Variants in RFX7 observed in about 807,000 individuals in gnomAD.
RFX7 encodes the protein DNA-binding protein RFX7.
Under a neutral mutation model 111.8 loss-of-function variants are expected in RFX7, and 26 were observed. That is an observed-to-expected ratio of 0.23 (90% CI 0.17 to 0.32). The LOEUF is 0.32. Among genes scored for constraint, RFX7 ranks in the 10% least tolerant of loss-of-function variants. The pLI, the probability that RFX7 is intolerant of heterozygous loss-of-function variation, is 1.00. For missense variants in RFX7, 1,573 were observed against 1,772.9 expected, an observed-to-expected ratio of 0.89 and a Z score of 2.02; for synonymous variants, 624 against 624.4, an observed-to-expected ratio of 1.00 and a Z score of 0.01.
rs1187373066 is a variant in RFX7, at chr15:56,094,030, T to C, written c.3698A>G (p.Gln1233Arg). The change falls in exon 10 of 10, where the codon CAG becomes CGG. Residue 1233 changes from glutamine (Q) to arginine (R), a missense_variant. Gln to Arg is a conservative substitution (Grantham distance 43, BLOSUM62 1). Around this residue, in one of 7 missense-constraint regions of RFX7, gnomAD observed 411 missense variants for 478.1 expected, o/e 0.86. Transcript: ENST00000559447. ...SQSVPLTVMM[Q>R]TAFPNALQKQ... is the part of the protein sequence containing the mutation. The stretch of plus-strand genomic sequence containing the variant: ...CTGAAGAGCGTTTGGGAAGGCTGTC[T>C]GCATCATGACTGTCAATGGAACTGA... 2 of 1,614,008 alleles carry C rather than the reference T, an allele frequency of 1.2e-6. No homozygotes were observed. Among genetic ancestry groups the C allele is most frequent in the Non-Finnish European group, 1.7e-6 (2 of 1,179,874 alleles).
chr15:56,187,496 A>G (rs1450476444), intron 2 of RFX7, among the ~76,000 whole-genome samples: 4 of 152,098 alleles, frequency 2.6e-5, no homozygotes, highest in Non-Finnish European at 5.9e-5. Context: ...AATTTTTATA[A>G]GGCTTTTGCC....
intron 2 of RFX7, among the ~76,000 whole-genome samples, chr15:56,232,421 A>C (rs1202709586): frequency 3.3e-5 from 5 of 152,100 alleles, no homozygotes; most frequent in Non-Finnish European, 7.4e-5. Context: ...CTGGCCCATG[A>C]AATCATTTTT....
intron 2 of RFX7, among the ~76,000 whole-genome samples, chr15:56,212,428 G>T (rs1033806257): frequency 1.3e-5 from 2 of 152,076 alleles, no homozygotes; most frequent in African/African-American, 4.8e-5. Flanking sequence ...TTTAATGGTG[G>T]ATACATGTCA....
At chr15:56,127,821 C>T (rs1595947051) in intron 5 of RFX7, among the ~76,000 whole-genome samples, 1 of 151,618 alleles carries the variant, frequency 6.6e-6, no homozygotes. Context: ...GCTGGGATTA[C>T]AGGCGTGAGC....
intron 3 of RFX7, among the ~76,000 whole-genome samples, chr15:56,154,913 G>A (rs2042630065): frequency 6.6e-6 from 1 of 151,794 alleles, no homozygotes. Flanking sequence ...CAGAAACAAA[G>A]AACTTAAACA....
chr15:56,131,281 T>G (rs1051484733), intron 5 of RFX7, among the ~76,000 whole-genome samples: 1 of 109,014 alleles, frequency 9.2e-6, no homozygotes, highest in Admixed American at 9.3e-5. Context: ...CTTTTTTTTT[T>G]TTTTTTTTTT....
chr15:56,239,537 G>A (rs1469158263), intron 2 of RFX7, among the ~76,000 whole-genome samples: 1 of 152,110 alleles, frequency 6.6e-6, no homozygotes, highest in Non-Finnish European at 1.5e-5. Context: ...AGAGTGCTGG[G>A]ATTACAGGTG....
intron 5 of RFX7, among the ~76,000 whole-genome samples, chr15:56,112,087 G>C (rs191490125): frequency 3.3e-4 from 50 of 150,836 alleles, no homozygotes; most frequent in Admixed American, 2.1e-3. Flanking sequence ...TGCACTCCAG[G>C]CTGGGCAATA....
intron 2 of RFX7, among the ~76,000 whole-genome samples, chr15:56,202,516 A>C (rs2043203236): frequency 6.6e-6 from 1 of 152,194 alleles, no homozygotes; most frequent in Non-Finnish European, 1.5e-5. Context: ...TATACTTAAA[A>C]GTTTGGGCCA....
intron 5 of RFX7, among the ~76,000 whole-genome samples, chr15:56,104,216 A>ACCC (rs1763382777): frequency 6.6e-6 from 1 of 152,136 alleles, no homozygotes; most frequent in African/African-American, 2.4e-5. Flanking sequence ...TCCTCCTTCT[A>ACCC]CCCCCACCAT....
chr15:56,105,378 C>G (rs2041816318), intron 5 of RFX7, among the ~76,000 whole-genome samples: 1 of 152,102 alleles, frequency 6.6e-6, no homozygotes, highest in South Asian at 2.1e-4. Flanking sequence ...ATTGGATTCG[C>G]CAGTGTATTC....
chr15:56,188,924 C>T (rs1010313326), intron 2 of RFX7, among the ~76,000 whole-genome samples: 8 of 152,120 alleles, frequency 5.3e-5, no homozygotes, highest in African/African-American at 9.7e-5. Context: ...CCTCCACCTC[C>T]GGGGTTCAAG....
At position 56,087,436 on chromosome 15, in the gene RFX7, G is replaced by A; in HGVS notation, c.*5909C>T. 1 of 456,664 alleles carries A rather than the reference G, an allele frequency of 2.2e-6. No individual in the cohort carries two copies. Among genetic ancestry groups the A allele is most frequent in the South Asian group, 1.5e-5 (1 of 64,564 alleles). The allele number at this position is 456,664 out of a possible 1,614,324, so 28.3% of individuals were successfully genotyped here. On this transcript the variant is annotated 3_prime_UTR_variant, in exon 10 of 10. Coordinates refer to ENST00000559447, the MANE Select transcript of RFX7 (RefSeq NM_022841.7). ...CATCCTCAGCATGTGTCTTTAACAT[G>A]AAGTCCAGGAGGGCTGCTTGAGTTC...
At chr15:56,122,723 G>A (rs896606634) in intron 5 of RFX7, among the ~76,000 whole-genome samples, 4 of 142,824 alleles carry the variant, frequency 2.8e-5, no homozygotes, top group Admixed American at 7.1e-5. Context: ...ATCCTACTGC[G>A]GTTAAGCTGG....
At chr15:56,171,963 T>C (rs1410187467) in intron 3 of RFX7, among the ~76,000 whole-genome samples, 1 of 152,148 alleles carries the variant, frequency 6.6e-6, no homozygotes. Flanking sequence ...ATAGACAAAA[T>C]GCAAAGCAAC....
intron 5 of RFX7, among the ~76,000 whole-genome samples, chr15:56,114,570 G>C (rs1177207894): frequency 1.3e-5 from 2 of 152,094 alleles, no homozygotes; most frequent in East Asian, 3.8e-4. Context: ...GCTGATCTTA[G>C]ACTAGGATCA....
chr15:56,190,832 C>A (rs1382348977), intron 2 of RFX7, among the ~76,000 whole-genome samples: 1 of 152,096 alleles, frequency 6.6e-6, no homozygotes, highest in Non-Finnish European at 1.5e-5. Context: ...GGGGTGAAAC[C>A]CTTACTTGGA....
rs1188322554 is a variant in RFX7, at chr15:56,087,452, G to C, written c.*5893C>G. ...CTTTAACATGAAGTCCAGGAGGGCT[G>C]CTTGAGTTCTAGCCATCACATTTGC... On this transcript the variant is annotated 3_prime_UTR_variant, in exon 10 of 10. Coordinates refer to ENST00000559447, the MANE Select transcript of RFX7 (RefSeq NM_022841.7). 3 of 456,584 alleles carry C rather than the reference G, an allele frequency of 6.6e-6. No individual in the cohort carries two copies. The highest frequency in any genetic ancestry group is 3.1e-5 in the South Asian group (2 of 64,572). The allele number at this position is 456,584 out of a possible 1,614,324, so 28.3% of individuals were successfully genotyped here. A position where few individuals can be genotyped will look rare whatever the true frequency, so the allele number is the denominator to read the frequency against.
At chr15:56,175,461 T>C (rs191126763) in intron 3 of RFX7, among the ~76,000 whole-genome samples, 2 of 152,280 alleles carry the variant, frequency 1.3e-5, no homozygotes, top group Admixed American at 6.5e-5. Flanking sequence ...CCAAAAAATA[T>C]ATGAACCATT....
Sources: gnomAD v4.1 joint callset for allele counts (sites outside exome capture counted in the v4.1 genomes callset) on GRCh38, gnomAD v4.1.1 for gene constraint, gnomAD v4.1.1 regional missense constraint, MANE v1.5 for transcripts, NCBI Gene and HGNC (gene_info 2026-07-23, HGNC 2026-07-21) for gene names.